NF1: variants seen among roughly 807,000 people sequenced by gnomAD.
NF1 encodes the protein neurofibromin 1, also known as neurofibromin.
Under a neutral mutation model 325.7 loss-of-function variants are expected in NF1, and 122 were observed. The ratio of observed to expected loss-of-function variants is 0.37; its 90% CI spans 0.32 to 0.44. NF1 has a LOEUF of 0.44. Among genes scored for constraint, NF1 ranks in the 20% least tolerant of loss-of-function variants. NF1 has a pLI of 1.00. For missense variants in NF1, 2,140 were observed against 3,415.4 expected (o/e 0.63, Z 9.31); for synonymous variants, 1,091 against 1,186.0 (o/e 0.92, Z 1.65).
At chr17:31,164,367 A>G (rs916278895) in intron 4 of NF1, among the ~76,000 whole-genome samples, 3 of 152,232 alleles carry the variant, frequency 2.0e-5, no homozygotes, top group African/African-American at 4.8e-5. Flanking sequence ...GTAGTGCTCT[A>G]TGGGATAGAA....
intron 36 of NF1, among the ~76,000 whole-genome samples, chr17:31,323,532 T>C (rs945569044): frequency 6.6e-6 from 1 of 152,234 alleles, no homozygotes; most frequent in African/African-American, 2.4e-5. Context: ...ACAGAACATA[T>C]GCTGAGAAAT....
At chr17:31,260,327 G>C (rs1283865267) in intron 33 of NF1, 42 bp from the exon 34 acceptor site, 11 of 1,596,580 alleles carry the variant, frequency 6.9e-6, no homozygotes, top group Non-Finnish European at 8.6e-6. Flanking sequence ...AAGTCTGGGT[G>C]TATCTGGTGT....
intron 30 of NF1, chr17:31,250,030 C>T (rs746045863): frequency 2.0e-6 from 1 of 499,358 alleles, no homozygotes; most frequent in South Asian, 1.5e-5. Context: ...TTGAAATCAC[C>T]ATTTTAAAAG....
chr17:31,295,410 G>A (rs892129360), intron 36 of NF1: 1 of 1,614,088 alleles, frequency 6.2e-7, no homozygotes, highest in Non-Finnish European at 8.5e-7. Context: ...TCCTTTGTTC[G>A]ATATTGTTTG....
In NF1 at chr17:31,291,390, A is replaced by G. The variant is rs73275655; in HGVS notation, c.4835+26051A>G. 7.6e-3 allele frequency among the ~76,000 whole-genome samples: 1,159 copies of G among 152,174 alleles called. 20 individuals are homozygous for G. The highest frequency in any genetic ancestry group is 0.027 in the African/African-American group (1,107 of 41,518). On this transcript the variant is annotated intron_variant, in intron 36 of 57. Coordinates refer to ENST00000358273, the MANE Select transcript of NF1 (RefSeq NM_001042492.3). ...TTTCATGTTAATGTTACTTCTTGACATTGTATATTTTTCCCATAATTTTCT... is the reference window on the plus strand; with the variant it reads ...TTTCATGTTAATGTTACTTCTTGACGTTGTATATTTTTCCCATAATTTTCT...
chr17:31,154,337 G>T (rs1917168304), intron 1 of NF1, among the ~76,000 whole-genome samples: 1 of 152,106 alleles, frequency 6.6e-6, no homozygotes. Flanking sequence ...GATTACAAAT[G>T]TGAGCCACCG....
chr17:31,200,705 T>C lies in NF1; in HGVS notation c.1062+110T>C, dbSNP rs371815284. 63 of 1,257,176 alleles carry C rather than the reference T, an allele frequency of 5.0e-5. No individual in the cohort carries two copies. The East Asian group carries it at 1.4e-3, about 29-fold the overall frequency. 77.9% of individuals were successfully genotyped at this position (1,257,176 alleles called of 1,614,324 possible). ...CTAACATTAAAGTTCTGACTCTTCGTTGATAAGTTCATAGGACTTGCTTTT... is the reference window on the plus strand; with the variant it reads ...CTAACATTAAAGTTCTGACTCTTCGCTGATAAGTTCATAGGACTTGCTTTT... On this transcript the variant is annotated intron_variant, in intron 9 of 57. Transcript: ENST00000358273.
intron 2 of NF1, 136 bp from the exon 3 acceptor site, chr17:31,158,874 T>C (rs750863418): frequency 2.8e-5 from 16 of 576,066 alleles, no homozygotes; most frequent in Non-Finnish European, 5.0e-5. Context: ...AGAAATAATA[T>C]ATTTAAGTAT....
At chr17:31,123,639 T>C (rs1914624256) in intron 1 of NF1, among the ~76,000 whole-genome samples, 1 of 152,326 alleles carries the variant, frequency 6.6e-6, no homozygotes, top group South Asian at 2.1e-4. Flanking sequence ...CAAGTGAAGA[T>C]AGTTGAAATG....
chr17:31,173,407 C>T (rs2065965022), intron 5 of NF1, among the ~76,000 whole-genome samples: 1 of 151,832 alleles, frequency 6.6e-6, no homozygotes, highest in South Asian at 2.1e-4. Flanking sequence ...GATACTCCGT[C>T]TCTAAATAAA....
At chr17:31,116,107 A>G (rs1462169354) in intron 1 of NF1, among the ~76,000 whole-genome samples, 1 of 152,220 alleles carries the variant, frequency 6.6e-6, no homozygotes, top group East Asian at 1.9e-4. Context: ...TCATGCAGAT[A>G]TCTCACTAAT....
intron 34 of NF1, 52 bp from the exon 35 acceptor site, chr17:31,261,659 A>G (rs1372918433): frequency 1.3e-6 from 2 of 1,599,946 alleles, no homozygotes; most frequent in African/African-American, 2.7e-5. Context: ...AGAAATGTGT[A>G]GTGCTAAATG....
At chr17:31,363,469 G>A (rs1303776615) in intron 57 of NF1, among the ~76,000 whole-genome samples, 3 of 129,628 alleles carry the variant, frequency 2.3e-5, no homozygotes, top group Admixed American at 9.1e-5. Context: ...ACAGAGTCTC[G>A]CTCTGTCGCC....
At chr17:31,099,292 G>T (rs1198686879) in intron 1 of NF1, among the ~76,000 whole-genome samples, 1 of 152,154 alleles carries the variant, frequency 6.6e-6, no homozygotes, top group African/African-American at 2.4e-5. Flanking sequence ...GTGCCATATT[G>T]ACATTTTGAG....
In NF1 at chr17:31,138,804, A is replaced by C. The variant is rs186391656; in HGVS notation, c.61-17179A>C. Among the ~76,000 whole-genome samples the C allele has an allele frequency of 2.7e-3, 406 of 151,110 alleles. 1 individual carries two copies. The highest frequency in any genetic ancestry group is 6.8e-3 in the Middle Eastern group (2 of 294). ...TCACCGTGTTAGCCAGGATGGTCTC[A>C]ATCTCCTGATGTCGTGATATGCCCA... On this transcript the variant is annotated intron_variant, in intron 1 of 57. Transcript: ENST00000358273.
intron 39 of NF1, 182 bp downstream of exon 39, chr17:31,330,680 C>T (rs1403307056): frequency 1.7e-6 from 1 of 593,356 alleles, no homozygotes; most frequent in African/African-American, 1.9e-5. Flanking sequence ...TTTGGTAGGC[C>T]ACATTGAGAA....
intron 1 of NF1, among the ~76,000 whole-genome samples, chr17:31,151,789 T>G (rs2143597077): frequency 6.6e-6 from 1 of 152,304 alleles, no homozygotes; most frequent in South Asian, 2.1e-4. Context: ...TGATCTGCAG[T>G]TTGTTGAATG....
At chr17:31,176,053 G>T (rs909580055) in intron 5 of NF1, among the ~76,000 whole-genome samples, 13 of 152,132 alleles carry the variant, frequency 8.5e-5, no homozygotes, top group African/African-American at 3.1e-4. Flanking sequence ...TGGGATGGCT[G>T]GGTCAAATGG....
chr17:31,182,942 T>TA, intron 8 of NF1: 1 of 590,758 alleles, frequency 1.7e-6, no homozygotes, highest in South Asian at 2.2e-5. Context: ...ACCTCTGTTA[T>TA]TATTAAACGT....
Sources: allele counts gnomAD v4.1 joint callset (sites outside exome capture counted in the v4.1 genomes callset), GRCh38; gene constraint gnomAD v4.1.1; transcripts MANE v1.5; gene names NCBI Gene and HGNC (gene_info 2026-07-23, HGNC 2026-07-21).